SEMA3A: variants seen among roughly 807,000 people sequenced by gnomAD.
The protein encoded by SEMA3A is semaphorin-3A.
A neutral mutation model predicts 97.9 loss-of-function variants in SEMA3A; 29 were observed. The observed-to-expected ratio is 0.30, with a 90% CI of 0.22 to 0.40. SEMA3A has a LOEUF of 0.40. Ranked by LOEUF, SEMA3A falls within the 10% of genes least tolerant of loss-of-function variation. The pLI, the probability that SEMA3A is intolerant of heterozygous loss-of-function variation, is 1.00. For synonymous variants in SEMA3A, 321 were observed against 323.7 expected, an observed-to-expected ratio of 0.99 and a Z score of 0.09; for missense variants, 763 against 951.3, an observed-to-expected ratio of 0.80 and a Z score of 2.60.
At position 84,475,082 on chromosome 7, in the gene SEMA3A, CA is replaced by C. The variant is rs370046564; in HGVS notation, c.-246+17377del. 4.7e-3 allele frequency among the ~76,000 whole-genome samples: 720 copies of C among 152,200 alleles called. 1 individual carries two copies. The highest frequency in any genetic ancestry group is 0.014 in the African/African-American group (581 of 41,530). On this transcript the variant is annotated intron_variant, in intron 1 of 3. Transcript: ENST00000424555. ...AGAGTTCTTGCTCCCCCTTCTCCCC[CA>C]ACCCCCAAGAGTGCCGGGTCCCAGG...
chr7:84,380,310 G>T (rs1803224524), intron 1 of SEMA3A, among the ~76,000 whole-genome samples: 1 of 152,048 alleles, frequency 6.6e-6, no homozygotes, highest in African/African-American at 2.4e-5. Flanking sequence ...CTCAAAAGAA[G>T]GATAAACATG....
chr7:84,441,215 A>G (rs996784267), intron 1 of SEMA3A, among the ~76,000 whole-genome samples: 1 of 151,804 alleles, frequency 6.6e-6, no homozygotes, highest in Non-Finnish European at 1.5e-5. Flanking sequence ...CTGACCCTGA[A>G]AAGATCTTAT....
At chr7:84,278,980 T>G (rs1399556024) in intron 3 of SEMA3A, among the ~76,000 whole-genome samples, 1 of 152,138 alleles carries the variant, frequency 6.6e-6, no homozygotes, top group East Asian at 1.9e-4. Flanking sequence ...ATTATAATAC[T>G]CTAAATAAAA....
intron 1 of SEMA3A, among the ~76,000 whole-genome samples, chr7:84,153,706 T>A (rs1178442180): frequency 6.6e-6 from 1 of 152,144 alleles, no homozygotes; most frequent in Admixed American, 6.5e-5. Context: ...TTAATAAAAT[T>A]TACTTTTAAT....
At chr7:84,055,668 C>T (rs546979900) in intron 5 of SEMA3A, among the ~76,000 whole-genome samples, 8 of 152,286 alleles carry the variant, frequency 5.3e-5, no homozygotes, top group South Asian at 4.1e-4. Flanking sequence ...CCGTCTTCTG[C>T]GTTGCTCACG....
chr7:84,476,255 G>T (rs947456695), intron 1 of SEMA3A, among the ~76,000 whole-genome samples: 19 of 151,462 alleles, frequency 1.3e-4, no homozygotes, highest in Admixed American at 5.9e-4. Context: ...CTACTCAGGA[G>T]GGCTGAGGCA....
chr7:83,997,134 T>A (rs956425724), intron 12 of SEMA3A, among the ~76,000 whole-genome samples: 2 of 152,176 alleles, frequency 1.3e-5, no homozygotes, highest in Non-Finnish European at 2.9e-5. Flanking sequence ...ATAATGAACA[T>A]GGCCTCATGA....
At chr7:84,341,695 C>G (rs1312932812) in intron 2 of SEMA3A, among the ~76,000 whole-genome samples, 2 of 152,030 alleles carry the variant, frequency 1.3e-5, no homozygotes, top group South Asian at 2.1e-4. Context: ...ACTGAAATAG[C>G]CTCTTTATTA....
rs1382821245 is a variant in SEMA3A, at chr7:84,143,993, AC to A, written c.113-9043del. On this transcript the variant is annotated intron_variant, in intron 1 of 16. Transcript: ENST00000265362. Reference sequence around the variant, plus strand: ...CACACACACACACACACACACACACACAATTTATTGTGTATGCATTATCCTT... The same window carrying A: ...CACACACACACACACACACACACACAAATTTATTGTGTATGCATTATCCTT... 2.3e-3 allele frequency among the ~76,000 whole-genome samples: 332 copies of A among 141,436 alleles called. 2 individuals are homozygous for A. The highest frequency in any genetic ancestry group is 8.6e-3 in the African/African-American group (319 of 37,106). 92.8% of individuals were successfully genotyped at this position (141,436 alleles called of 152,430 possible). A position where few individuals can be genotyped will look rare whatever the true frequency, so the allele number is the denominator to read the frequency against.
chr7:84,148,874 T>A lies in SEMA3A; in HGVS notation c.113-13923A>T, dbSNP rs189539517. Among the ~76,000 whole-genome samples, 57 of 152,330 alleles carry A rather than the reference T, an allele frequency of 3.7e-4. No individual in the cohort carries two copies. The East Asian group carries it at 0.01, about 27-fold the overall frequency. On this transcript the variant is annotated intron_variant, in intron 1 of 16. Coordinates refer to ENST00000265362, the MANE Select transcript of SEMA3A (RefSeq NM_006080.3). The stretch of plus-strand genomic sequence containing the variant: ...TTAATAGTGTTTTCCTTTCTCTAGC[T>A]TACTTCATTAGAAGAATATAGTGTA...
At chr7:84,087,848 C>T (rs563403743) in intron 4 of SEMA3A, among the ~76,000 whole-genome samples, 5 of 152,190 alleles carry the variant, frequency 3.3e-5, no homozygotes, top group Non-Finnish European at 7.4e-5. Context: ...TGTTGGCCTT[C>T]CTCTATGTTT....
chr7:84,115,514 T>G (rs953631215), intron 3 of SEMA3A, among the ~76,000 whole-genome samples: 1 of 152,158 alleles, frequency 6.6e-6, no homozygotes, highest in African/African-American at 2.4e-5. Context: ...TTCTTTTATT[T>G]AAAGGAGTTC....
At chr7:84,176,573 T>A (rs565965564) in intron 1 of SEMA3A, among the ~76,000 whole-genome samples, 1 of 152,212 alleles carries the variant, frequency 6.6e-6, no homozygotes, top group East Asian at 1.9e-4. Flanking sequence ...AGGATAATAG[T>A]TTAAAGGATC....
Position 84,314,014 on chromosome 7 carries a change from T to A in SEMA3A, c.-168-6722A>T, listed in dbSNP as rs112044674. 3.3e-5 allele frequency among the ~76,000 whole-genome samples: 5 copies of A among 152,194 alleles called. 1 individual carries two copies. Among genetic ancestry groups the A allele is most frequent in the African/African-American group, 1.2e-4 (5 of 41,564 alleles). ...GATAAAACTGTGCTCATTGAATGAG[T>A]TTATGATAGCAAGGTCTTGAAGTGT... On this transcript the variant is annotated intron_variant, in intron 2 of 3. Coordinates refer to the SEMA3A transcript ENST00000424555.
At chr7:84,012,201 A>T (rs1790910010) in intron 7 of SEMA3A, among the ~76,000 whole-genome samples, 1 of 152,160 alleles carries the variant, frequency 6.6e-6, no homozygotes, top group African/African-American at 2.4e-5. Context: ...ATTACTGAAA[A>T]TTGTGAAAAG....
intron 3 of SEMA3A, among the ~76,000 whole-genome samples, chr7:84,291,048 A>T (rs1800729834): frequency 6.6e-6 from 1 of 152,112 alleles, no homozygotes; most frequent in Admixed American, 6.6e-5. Flanking sequence ...GTTAGATTGT[A>T]TACCACATAT....
rs560425068 is a variant in SEMA3A at position 84,376,856 on chromosome 7, A to T, written c.-245-4956T>A. Among the ~76,000 whole-genome samples, 372 of 150,710 alleles carry T rather than the reference A, an allele frequency of 2.5e-3. 1 individual carries two copies. The highest frequency in any genetic ancestry group is 0.01 in the Middle Eastern group (3 of 288). On this transcript the variant is annotated intron_variant, in intron 1 of 3. Transcript: ENST00000424555. ...TTTTTAATCAGATTTATTTTTATGTATGTATGTATGTATGTATGTATGTTG... is the reference window on the plus strand; with the variant it reads ...TTTTTAATCAGATTTATTTTTATGTTTGTATGTATGTATGTATGTATGTTG...
At chr7:84,429,169 C>T (rs1009220705) in intron 1 of SEMA3A, among the ~76,000 whole-genome samples, 4 of 151,882 alleles carry the variant, frequency 2.6e-5, no homozygotes, top group Non-Finnish European at 5.9e-5. Context: ...AATTGAGAAT[C>T]TCTACTTTAT....
At chr7:84,148,850 TAATA>T (rs996973479) in intron 1 of SEMA3A, among the ~76,000 whole-genome samples, 1 of 152,192 alleles carries the variant, frequency 6.6e-6, no homozygotes, top group Admixed American at 6.5e-5. Context: ...ATAACTTTCT[TAATA>T]GTGTTTTCCT....
Sources: gnomAD v4.1 joint callset for allele counts (sites outside exome capture counted in the v4.1 genomes callset) on GRCh38, gnomAD v4.1.1 for gene constraint, MANE v1.5 for transcripts, NCBI Gene and HGNC (gene_info 2026-07-23, HGNC 2026-07-21) for gene names.